The following KCTD20 variants were observed in gnomAD, a reference collection of about 807,000 sequenced individuals.
KCTD20 encodes the protein BTB/POZ domain-containing protein KCTD20.
KCTD20 carries 30 observed loss-of-function variants against 39.6 expected under a neutral mutation model. That is an observed-to-expected ratio of 0.76 (90% CI 0.57 to 1.03). KCTD20 has a LOEUF of 1.03. Among genes scored for constraint, KCTD20 ranks in the 50% least tolerant of loss-of-function variants. The pLI is 0.00. For missense variants in KCTD20, 422 were observed against 522.0 expected, an observed-to-expected ratio of 0.81 and a Z score of 1.87; for synonymous variants, 162 against 180.6, an observed-to-expected ratio of 0.90 and a Z score of 0.83.
chr6:36,472,994 A>G (rs1459609996), intron 2 of KCTD20, among the ~76,000 whole-genome samples: 1 of 151,396 alleles, frequency 6.6e-6, no homozygotes, highest in Admixed American at 6.6e-5. Flanking sequence ...TCCACCTCCC[A>G]GGTTCCAGAG....
At position 36,487,113 on chromosome 6, in the gene KCTD20, G is replaced by C; in HGVS notation, c.1198G>C (p.Asp400His). 6.2e-7 allele frequency: 1 copy of C among 1,614,188 alleles called. No homozygotes were observed. The highest frequency in any genetic ancestry group is 8.5e-7 in the Non-Finnish European group (1 of 1,180,016). Reference protein sequence around the residue: ...EILMHHPPQVDELDRLNAPLS... With the variant: ...EILMHHPPQVHELDRLNAPLS... Reference sequence around the variant, plus strand: ...ATTAATGCATCACCCACCCCAAGTGGATGAACTTGACCGGCTAAATGCCCC... The same window carrying C: ...ATTAATGCATCACCCACCCCAAGTGCATGAACTTGACCGGCTAAATGCCCC... The change falls in exon 8 of 8, where the codon GAT becomes CAT. Residue 400 changes from aspartate to histidine, a missense_variant. Asp to His is a moderately conservative substitution (Grantham distance 81). Transcript: ENST00000373731.
intron 1 of KCTD20, among the ~76,000 whole-genome samples, chr6:36,462,633 A>G (rs958958989): frequency 2.6e-5 from 4 of 152,200 alleles, no homozygotes; most frequent in Non-Finnish European, 5.9e-5. Context: ...GGACAATATG[A>G]TCACTGAGGT....
intron 1 of KCTD20, among the ~76,000 whole-genome samples, chr6:36,462,723 C>A: frequency 6.6e-6 from 1 of 152,202 alleles, no homozygotes; most frequent in Non-Finnish European, 1.5e-5. Flanking sequence ...ATTGTAAGCT[C>A]TTTGAAGGTA....
At chr6:36,467,318 ATTTTTTTTTTTTTTTTTTTTTTTTTT>A (rs775332647) in intron 1 of KCTD20, among the ~76,000 whole-genome samples, 4 of 29,850 alleles carry the variant, frequency 1.3e-4, no homozygotes, top group Non-Finnish European at 1.8e-4. Context: ...ATCCTTCAGG[ATTTTTTTTTTTTTTTTTTTTTTTTTT>A]TTTTTTTTTT....
intron 1 of KCTD20, among the ~76,000 whole-genome samples, chr6:36,462,109 G>A (rs1440175700): frequency 6.6e-6 from 1 of 152,016 alleles, no homozygotes; most frequent in East Asian, 1.9e-4. Flanking sequence ...TCTCTTTTGG[G>A]TATCTGCCCC....
chr6:36,455,356 C>T (rs1775400840), intron 1 of KCTD20, among the ~76,000 whole-genome samples: 1 of 152,092 alleles, frequency 6.6e-6, no homozygotes, highest in South Asian at 2.1e-4. Context: ...TGCAGTGAGC[C>T]AAGATCATGC....
chr6:36,467,600 T>G (rs1775799749), intron 1 of KCTD20, among the ~76,000 whole-genome samples: 3 of 151,534 alleles, frequency 2.0e-5, no homozygotes, highest in Admixed American at 6.6e-5. Flanking sequence ...CCTCCCAGAG[T>G]GCTGGGATTA....
chr6:36,476,325 T>G (rs1416074329), intron 3 of KCTD20, among the ~76,000 whole-genome samples: 2 of 152,088 alleles, frequency 1.3e-5, no homozygotes, highest in African/African-American at 4.8e-5. Context: ...TTAAACTGAG[T>G]TAGAAATTCG....
chr6:36,461,127 T>C lies in KCTD20; in HGVS notation c.-46-8925T>C, dbSNP rs375859572. On this transcript the variant is annotated intron_variant, in intron 1 of 7. Coordinates refer to ENST00000373731, the MANE Select transcript of KCTD20 (RefSeq NM_173562.5). ...TGCAGTAATTTGACATATGAAAGAA[T>C]CCAGCAGATTAATTTGTGATTCTCA... is the stretch of plus-strand genomic sequence containing the variant. Among the ~76,000 whole-genome samples the C allele has an allele frequency of 3.4e-4, 52 of 152,336 alleles. No individual in the cohort carries two copies. In the South Asian group the frequency reaches 7.0e-3, roughly 21 times the overall value.
At chr6:36,486,699 C>T (rs1408326782) in intron 7 of KCTD20, among the ~76,000 whole-genome samples, 184 bp from the exon 8 acceptor site, 1 of 152,158 alleles carries the variant, frequency 6.6e-6, no homozygotes, top group Non-Finnish European at 1.5e-5. Context: ...ACTAATCTGA[C>T]CAGGAAGGAA....
chr6:36,447,146 G>A (rs560302512), intron 1 of KCTD20, among the ~76,000 whole-genome samples: 1 of 152,110 alleles, frequency 6.6e-6, no homozygotes, highest in Non-Finnish European at 1.5e-5. Flanking sequence ...TGTTGCCTGG[G>A]TTCAAATCCT....
chr6:36,444,588 C>G (rs1203915542), intron 1 of KCTD20, among the ~76,000 whole-genome samples: 1 of 152,142 alleles, frequency 6.6e-6, no homozygotes, highest in Non-Finnish European at 1.5e-5. Flanking sequence ...CATATAATTC[C>G]CATGGCCTTG....
chr6:36,486,242 C>T (rs939924934), intron 7 of KCTD20, among the ~76,000 whole-genome samples: 8 of 152,168 alleles, frequency 5.3e-5, no homozygotes, highest in African/African-American at 1.9e-4. Flanking sequence ...TATTAAATCT[C>T]CTCCTACTCG....
intron 1 of KCTD20, among the ~76,000 whole-genome samples, chr6:36,448,015 GTATATA>G (rs70975158): frequency 3.9e-5 from 5 of 128,954 alleles, no homozygotes; most frequent in African/African-American, 1.7e-4. Context: ...ATGTGTGTGT[GTATATA>G]TATATATATA....
In KCTD20 at chr6:36,457,504, T is replaced by TA. The variant is rs1274126318; in HGVS notation, c.-46-12547dup. On this transcript the variant is annotated intron_variant, in intron 1 of 7. Transcript: ENST00000373731. The stretch of plus-strand genomic sequence containing the variant: ...GGGATGATTGCTTGAGCCCACAAGT[T>TA]AGAGACCAGTTTAGGCAACATAGTG... Among the ~76,000 whole-genome samples, 4 of 152,248 alleles carry TA rather than the reference T, an allele frequency of 2.6e-5. No individual in the cohort carries two copies. In the South Asian group the frequency reaches 6.2e-4, roughly 24 times the overall value.
rs1041644621 is a variant in KCTD20 at position 36,459,455 on chromosome 6, G to A, written c.-46-10597G>A. Among the ~76,000 whole-genome samples, 3 of 152,270 alleles carry A rather than the reference G, an allele frequency of 2.0e-5. No homozygotes were observed. In the Middle Eastern group the frequency reaches 0.01, roughly 518 times the overall value. ...TCTGAAAATTCTATTTAATACAATA[G>A]TGCTGCTTTTTCTTAAAAAGTTTTT... On this transcript the variant is annotated intron_variant, in intron 1 of 7. Transcript: ENST00000373731.
chr6:36,470,556 G>A (rs185482501), intron 2 of KCTD20, among the ~76,000 whole-genome samples: 1 of 152,226 alleles, frequency 6.6e-6, no homozygotes, highest in East Asian at 1.9e-4. Flanking sequence ...CCATGGATGA[G>A]ATCCTCAGTC....
intron 1 of KCTD20, among the ~76,000 whole-genome samples, chr6:36,454,490 T>C (rs6905573): frequency 0.99 from 150,672 of 151,964 alleles, 74,713 homozygotes; most frequent in East Asian, 1. Flanking sequence ...TACAGATGCA[T>C]GCCACCACAC....
chr6:36,475,019 A>T lies in KCTD20; in HGVS notation c.391A>T (p.Asn131Tyr), dbSNP rs768348585. The T allele has an allele frequency of 6.2e-7, 1 of 1,614,038 alleles. No individual in the cohort carries two copies. Among genetic ancestry groups the T allele is most frequent in the Non-Finnish European group, 8.5e-7 (1 of 1,180,028 alleles). ...LLVDGTRFVVNPQIFTAHPDT... is the reference protein window; with the variant it reads ...LLVDGTRFVVYPQIFTAHPDT... Reference sequence around the variant, plus strand: ...TGTAGATGGCACACGTTTTGTTGTGAATCCACAGATTTTCACTGCTCATCC... The same window carrying T: ...TGTAGATGGCACACGTTTTGTTGTGTATCCACAGATTTTCACTGCTCATCC... Residue 131 changes from asparagine to tyrosine, a missense_variant, in exon 3 of 8, where the codon AAT becomes TAT. Transcript: ENST00000373731.
Sources: gnomAD v4.1 joint callset for allele counts (sites outside exome capture counted in the v4.1 genomes callset) on GRCh38, gnomAD v4.1.1 for gene constraint, MANE v1.5 for transcripts, NCBI Gene and HGNC (gene_info 2026-07-23, HGNC 2026-07-21) for gene names.